The following SLC23A2 variants were observed in gnomAD, a reference collection of about 807,000 sequenced individuals.
The protein encoded by SLC23A2 is solute carrier family 23 member 2.
In SLC23A2, 36 loss-of-function variants were observed where a neutral mutation model predicts 73.3. The ratio of observed to expected loss-of-function variants is 0.49; its 90% CI spans 0.38 to 0.65. SLC23A2 has a LOEUF of 0.65. SLC23A2 is among the 30% of genes least tolerant of loss of function. The pLI, the probability that SLC23A2 is intolerant of heterozygous loss-of-function variation, is 0.00. For missense variants in SLC23A2, 507 were observed against 841.6 expected (o/e 0.60, Z 4.92); for synonymous variants, 343 against 327.3 (o/e 1.05, Z -0.52).
intron 1 of SLC23A2, among the ~76,000 whole-genome samples, chr20:5,007,913 CT>C (rs748144764): frequency 1.9e-3 from 281 of 145,342 alleles, no homozygotes; most frequent in African/African-American, 3.7e-3. Context: ...ATAAAATTAA[CT>C]TTTTTTTTTT....
chr20:4,902,602 G>T lies in SLC23A2; in HGVS notation c.208-44C>A. The stretch of plus-strand genomic sequence containing the variant: ...AAAGAAGGTGCTCATTAAACGTGAA[G>T]ACCAGTGTTAGCTCGGCCATGTACA... On this transcript the variant is annotated intron_variant, in intron 4 of 16. Transcript: ENST00000338244. This position sits in a 1 kb window ranked among gnomAD's most constrained non-coding sequence, Gnocchi z 4.0. The T allele has an allele frequency of 8.6e-7, 1 of 1,159,166 alleles. No homozygotes were observed. The allele number at this position is 1,159,166 out of a possible 1,614,324, so 71.8% of individuals were successfully genotyped here.
Position 4,862,002 on chromosome 20 carries a change from T to C in SLC23A2, c.1570A>G (p.Ile524Val). The change falls in exon 15 of 17, where the codon ATC becomes GTC. Residue 524 changes from isoleucine to valine, a missense_variant. This residue lies in a region of SLC23A2 where 168 missense variants were observed against 302.3 expected (regional missense o/e 0.56). Coordinates refer to ENST00000338244, the MANE Select transcript of SLC23A2 (RefSeq NM_005116.6). The surrounding 1 kb of genome is among the most constrained non-coding windows in gnomAD (Gnocchi z 5.1). ...CTTGGAAGGACGAGCCCAAAGAAGA[T>C]CGAAAATCCAAGCACAAAGAGGTTC... is the stretch of plus-strand genomic sequence containing the variant. The part of the protein sequence containing the change: ...SRNLFVLGFS[I>V]FFGLVLPSYL... 6.2e-7 allele frequency: 1 copy of C among 1,613,792 alleles called. No homozygotes were observed. The highest frequency in any genetic ancestry group is 8.5e-7 in the Non-Finnish European group (1 of 1,179,946).
chr20:4,857,537 G>C lies in SLC23A2; in HGVS notation c.1721-333C>G, dbSNP rs1929775018. 6.6e-6 allele frequency among the ~76,000 whole-genome samples: 1 copy of C among 152,086 alleles called. No homozygotes were observed. On this transcript the variant is annotated intron_variant, in intron 16 of 16. Transcript: ENST00000338244. This position sits in a 1 kb window ranked among gnomAD's most constrained non-coding sequence, Gnocchi z 4.0. ...TCTCAATTTTCACTGTTAGGGCCCAGCTCAGGCCATGTTATTGCTTTCCTG... is the reference window on the plus strand; with the variant it reads ...TCTCAATTTTCACTGTTAGGGCCCACCTCAGGCCATGTTATTGCTTTCCTG...
intron 2 of SLC23A2, among the ~76,000 whole-genome samples, chr20:4,939,143 T>A (rs185595091): frequency 6.6e-6 from 1 of 152,390 alleles, no homozygotes; most frequent in East Asian, 1.9e-4. Context: ...TCTATCTGTC[T>A]GCCTAGCCAG....
At position 4,883,788 on chromosome 20, in the gene SLC23A2, T is replaced by C. The variant is rs1238261798; in HGVS notation, c.678A>G (p.Glu226=). 3 of 1,613,224 alleles carry C rather than the reference T, an allele frequency of 1.9e-6. No individual in the cohort carries two copies. The African/African-American group carries it at 4.0e-5, about 22-fold the overall frequency. ...GCAGGCCGAGGAGGCCGATGACTAC[T>C]TCTATCAGTGAGGACATGATGATGG... ...QGAIIMSSLI[E]VVIGLLGLPG... Residue 226 remains glutamate, a synonymous_variant, in exon 9 of 17, where the codon GAA becomes GAG. Coordinates refer to ENST00000338244, the MANE Select transcript of SLC23A2 (RefSeq NM_005116.6). This position sits in a 1 kb window ranked among gnomAD's most constrained non-coding sequence, Gnocchi z 4.5.
chr20:4,874,566 A>G lies in SLC23A2; in HGVS notation c.945+10T>C, dbSNP rs772458541. On this transcript the variant is annotated intron_variant, in intron 10 of 16. Coordinates refer to ENST00000338244, the MANE Select transcript of SLC23A2 (RefSeq NM_005116.6). The stretch of plus-strand genomic sequence containing the variant: ...AAAAATGTCAGCAGGGGAAGAAGTC[A>G]GCTACTCACAGGGAACATTTTGAAC... 2 of 1,584,128 alleles carry G rather than the reference A, an allele frequency of 1.3e-6. No homozygotes were observed. The highest frequency in any genetic ancestry group is 1.7e-6 in the Non-Finnish European group (2 of 1,165,948).
At position 4,856,892 on chromosome 20, in the gene SLC23A2, A is replaced by G; in HGVS notation, c.*80T>C. The stretch of plus-strand genomic sequence containing the variant: ...AGAATGTAAATGTAGATATACAAAC[A>G]TGTATTTTACTTCTTGTTACTCAGC... On this transcript the variant is annotated 3_prime_UTR_variant, in exon 17 of 17. Coordinates refer to ENST00000338244, the MANE Select transcript of SLC23A2 (RefSeq NM_005116.6). This position sits in a 1 kb window ranked among gnomAD's most constrained non-coding sequence, Gnocchi z 4.6. The G allele has an allele frequency of 3.5e-6, 3 of 865,982 alleles. No individual in the cohort carries two copies. The highest frequency in any genetic ancestry group is 3.8e-6 in the Non-Finnish European group (2 of 531,558). The allele number at this position is 865,982 out of a possible 1,614,324, so 53.6% of individuals were successfully genotyped here. A position where few individuals can be genotyped will look rare whatever the true frequency, so the allele number is the denominator to read the frequency against.
chr20:4,996,542 C>T (rs769136089), intron 1 of SLC23A2, among the ~76,000 whole-genome samples: 17 of 151,844 alleles, frequency 1.1e-4, no homozygotes, highest in Non-Finnish European at 2.2e-4. Flanking sequence ...AAAAATTAGC[C>T]GGGTACAGTG....
intron 1 of SLC23A2, among the ~76,000 whole-genome samples, chr20:4,976,919 T>C (rs1165236731): frequency 6.6e-6 from 1 of 151,836 alleles, no homozygotes; most frequent in Admixed American, 6.6e-5. Flanking sequence ...GAGGTTGCAG[T>C]GAGCCAAGAT....
At chr20:4,892,252 T>A (rs148653186) in intron 6 of SLC23A2, among the ~76,000 whole-genome samples, 46 of 152,128 alleles carry the variant, frequency 3.0e-4, no homozygotes, top group African/African-American at 7.7e-4. Flanking sequence ...GTCTACCTTA[T>A]CTCGGCTCAC....
intron 2 of SLC23A2, among the ~76,000 whole-genome samples, chr20:4,935,995 C>T (rs1448258877): frequency 6.6e-6 from 1 of 152,090 alleles, no homozygotes; most frequent in African/African-American, 2.4e-5. Context: ...GTTTACAGAG[C>T]TTCATTTTAA....
At chr20:4,879,587 G>A (rs558013467) in intron 9 of SLC23A2, among the ~76,000 whole-genome samples, 7 of 151,866 alleles carry the variant, frequency 4.6e-5, no homozygotes, top group Non-Finnish European at 7.4e-5. Flanking sequence ...GGAGGCTGAC[G>A]AATGAGAATC....
At chr20:4,984,998 G>A (rs1358896828) in intron 1 of SLC23A2, among the ~76,000 whole-genome samples, 5 of 152,048 alleles carry the variant, frequency 3.3e-5, no homozygotes, top group South Asian at 4.2e-4. Flanking sequence ...TTAGCTGGGC[G>A]TGGTGGCACG....
intron 1 of SLC23A2, among the ~76,000 whole-genome samples, chr20:4,988,120 G>A (rs1023956821): frequency 2.0e-5 from 3 of 151,632 alleles, no homozygotes; most frequent in Non-Finnish European, 4.4e-5. Flanking sequence ...CCAACATGGC[G>A]AAACCCTGTC....
At position 4,868,284 on chromosome 20, in the gene SLC23A2, G is replaced by A. The variant is rs963512329; in HGVS notation, c.1251-409C>T. Among the ~76,000 whole-genome samples, 1 of 152,052 alleles carries A rather than the reference G, an allele frequency of 6.6e-6. No homozygotes were observed. Among genetic ancestry groups the A allele is most frequent in the Non-Finnish European group, 1.5e-5 (1 of 68,010 alleles). ...AGACGGGGTTTCACCATGTGGCCAGGCTGGTGTGGAATTCCTGACCTCAGG... is the reference window on the plus strand; with the variant it reads ...AGACGGGGTTTCACCATGTGGCCAGACTGGTGTGGAATTCCTGACCTCAGG... On this transcript the variant is annotated intron_variant, in intron 12 of 16. Transcript: ENST00000338244. This position sits in a 1 kb window ranked among gnomAD's most constrained non-coding sequence, Gnocchi z 4.4.
rs3055921 is a variant in SLC23A2 at position 4,965,966 on chromosome 20, CA to C, written c.-155+4826del. 4.7e-3 allele frequency among the ~76,000 whole-genome samples: 474 copies of C among 100,052 alleles called. 2 individuals are homozygous for C. The highest frequency in any genetic ancestry group is 0.015 in the African/African-American group (364 of 24,698). 65.6% of individuals were successfully genotyped at this position (100,052 alleles called of 152,430 possible). A position where few individuals can be genotyped will look rare whatever the true frequency, so the allele number is the denominator to read the frequency against. ...TGGGTGACTGAGTGAGACTCCATCT[CA>C]AAAAAAAAAAAAAAAAGGGAAGATC... On this transcript the variant is annotated intron_variant, in intron 2 of 16. Coordinates refer to ENST00000338244, the MANE Select transcript of SLC23A2 (RefSeq NM_005116.6).
In SLC23A2 at chr20:4,872,012, C is replaced by G. The variant is rs1309189462; in HGVS notation, c.1102+1924G>C. On this transcript the variant is annotated intron_variant, in intron 11 of 16. Coordinates refer to ENST00000338244, the MANE Select transcript of SLC23A2 (RefSeq NM_005116.6). This position sits in a 1 kb window ranked among gnomAD's most constrained non-coding sequence, Gnocchi z 4.4. Reference sequence around the variant, plus strand: ...TATATCTATATCTATATTTTTTTTTCTTAAAGACCTTGTTGGCTTCCAGCC... The same window carrying G: ...TATATCTATATCTATATTTTTTTTTGTTAAAGACCTTGTTGGCTTCCAGCC... Among the ~76,000 whole-genome samples the G allele has an allele frequency of 6.7e-6, 1 of 148,472 alleles. No individual in the cohort carries two copies. Among genetic ancestry groups the G allele is most frequent in the Non-Finnish European group, 1.5e-5 (1 of 66,700 alleles).
chr20:5,003,495 T>C (rs550973081), upstream of SLC23A2, among the ~76,000 whole-genome samples: 3 of 151,324 alleles, frequency 2.0e-5, no homozygotes, highest in Non-Finnish European at 2.9e-5. Flanking sequence ...AGTGAGAGCA[T>C]AGAGCGTATT....
At chr20:4,982,951 C>T (rs912158188) in intron 1 of SLC23A2, among the ~76,000 whole-genome samples, 5 of 151,876 alleles carry the variant, frequency 3.3e-5, no homozygotes, top group African/African-American at 1.2e-4. Context: ...ACTAAAAATA[C>T]AAAATTAGCC....
Sources: gnomAD v4.1 joint callset for allele counts (sites outside exome capture counted in the v4.1 genomes callset) on GRCh38, gnomAD v4.1.1 for gene constraint, gnomAD v4.1.1 regional missense constraint, Gnocchi (gnomAD v3.1) non-coding constraint, MANE v1.5 for transcripts, NCBI Gene and HGNC (gene_info 2026-07-23, HGNC 2026-07-21) for gene names.